CMTM4: variants seen among roughly 807,000 people sequenced by gnomAD.
CMTM4 encodes the protein CKLF like MARVEL transmembrane domain containing 4.
CMTM4 carries 8 observed loss-of-function variants against 19.0 expected under a neutral mutation model. That is an observed-to-expected ratio of 0.42 (90% confidence interval 0.25 to 0.76). The LOEUF (loss-of-function observed/expected upper bound fraction) is 0.76, where lower values mean the gene tolerates loss of function less well. Among genes scored for constraint, CMTM4 ranks in the 30% least tolerant of loss-of-function variants. The probability of loss-of-function intolerance (pLI) is 0.27; values close to 1 mark genes in which losing one functional copy is unlikely to be tolerated. For synonymous variants in CMTM4, 106 were observed against 121.1 expected (o/e 0.88, Z 0.82); for missense variants, 228 against 290.2 (o/e 0.79, Z 1.56).
chr16:66,621,192 AAC>A lies in CMTM4; in HGVS notation c.*864_*865del. On this transcript the variant is annotated 3_prime_UTR_variant, in exon 4 of 4. Coordinates refer to ENST00000394106, the MANE Select transcript of CMTM4 (RefSeq NM_181521.3). ...CGCACGCGTGTGCATGCTGTTTTTT[AAC>A]ACAAACACCTCCCACCTGCGGTTCA... 1 of 984,968 alleles carries A rather than the reference AAC, an allele frequency of 1.0e-6. No individual in the cohort carries two copies. Among genetic ancestry groups the A allele is most frequent in the Non-Finnish European group, 1.2e-6 (1 of 829,904 alleles). The allele number at this position is 984,968 out of a possible 1,614,324, so 61.0% of individuals were successfully genotyped here. A position where few individuals can be genotyped will look rare whatever the true frequency, so the allele number is the denominator to read the frequency against.
intron 1 of CMTM4, among the ~76,000 whole-genome samples, chr16:66,654,382 G>T (rs1043254843): frequency 1.3e-5 from 2 of 152,050 alleles, no homozygotes; most frequent in African/African-American, 4.8e-5. Context: ...CCTGTCACAT[G>T]GCAGGTGCTC....
intron 1 of CMTM4, among the ~76,000 whole-genome samples, chr16:66,692,962 G>A (rs767260032): frequency 1.3e-5 from 2 of 151,744 alleles, no homozygotes; most frequent in African/African-American, 4.8e-5. Flanking sequence ...AGTAGCTCAC[G>A]CCTATAATCC....
At chr16:66,613,965 T>C (rs1340311846), downstream of CMTM4, 2 of 138,496 alleles carry the variant, frequency 1.4e-5, no homozygotes, top group African/African-American at 2.6e-5. Context: ...GGACTGGGGG[T>C]TGGCGGGTGG....
intron 1 of CMTM4, among the ~76,000 whole-genome samples, chr16:66,681,410 G>A (rs1228268925): frequency 2.6e-5 from 4 of 151,596 alleles, no homozygotes; most frequent in Admixed American, 6.6e-5. Flanking sequence ...TCCACCTCCC[G>A]GGTTCATGCC....
rs554435171 is a variant in CMTM4 at position 66,692,709 on chromosome 16, C to G, written c.186+3631G>C. Among the ~76,000 whole-genome samples, 6 of 152,182 alleles carry G rather than the reference C, an allele frequency of 3.9e-5. No homozygotes were observed. In the South Asian group the frequency reaches 1.2e-3, roughly 32 times the overall value. On this transcript the variant is annotated intron_variant, in intron 1 of 3. Coordinates refer to ENST00000394106, the MANE Select transcript of CMTM4 (RefSeq NM_181521.3). Reference sequence around the variant, plus strand: ...TCACTTGAGGTCAGGAGTTCAAGACCAGCCTGGCCAACATGGGGAAACCCC... The same window carrying G: ...TCACTTGAGGTCAGGAGTTCAAGACGAGCCTGGCCAACATGGGGAAACCCC...
intron 1 of CMTM4, among the ~76,000 whole-genome samples, chr16:66,674,176 G>A (rs1352662089): frequency 1.3e-5 from 2 of 152,186 alleles, no homozygotes; most frequent in Admixed American, 6.5e-5. Flanking sequence ...ATAGGCCTTT[G>A]GGACCCAGGG....
Position 66,678,679 on chromosome 16 carries a change from T to C in CMTM4, c.186+17661A>G, listed in dbSNP as rs528125064. 5.9e-5 allele frequency among the ~76,000 whole-genome samples: 9 copies of C among 152,338 alleles called. No homozygotes were observed. In the South Asian group the frequency reaches 1.9e-3, roughly 32 times the overall value. On this transcript the variant is annotated intron_variant, in intron 1 of 3. Transcript: ENST00000394106. Reference sequence around the variant, plus strand: ...AAGCCAGAGTTGCATGTATTTGAAATTGATTTCATGGAACATGTGTGTGCA... The same window carrying C: ...AAGCCAGAGTTGCATGTATTTGAAACTGATTTCATGGAACATGTGTGTGCA...
chr16:66,669,467 TAAA>T (rs35876830), intron 1 of CMTM4, among the ~76,000 whole-genome samples: 12 of 128,808 alleles, frequency 9.3e-5, no homozygotes, highest in Admixed American at 2.4e-4. Context: ...ACATGTTAAT[TAAA>T]AAAAAAAAAA....
intron 1 of CMTM4, among the ~76,000 whole-genome samples, chr16:66,694,134 A>G (rs1191294283): frequency 6.6e-6 from 1 of 152,160 alleles, no homozygotes; most frequent in Non-Finnish European, 1.5e-5. Context: ...CGCTACAACA[A>G]AACAGTACCT....
rs1189101517 is a variant in CMTM4 at position 66,665,260 on chromosome 16, C to CT, written c.187-28680dup. On this transcript the variant is annotated intron_variant, in intron 1 of 3. Coordinates refer to ENST00000394106, the MANE Select transcript of CMTM4 (RefSeq NM_181521.3). ...ACCATGCCTGGCCAAGACCCTGTTT[C>CT]TTAAAAAAAAAAAAAAAAAAAAAAA... Among the ~76,000 whole-genome samples the CT allele has an allele frequency of 1.1e-3, 36 of 31,390 alleles. 1 individual carries two copies. Among genetic ancestry groups the CT allele is most frequent in the African/African-American group, 3.8e-3 (35 of 9,180 alleles). 20.6% of individuals were successfully genotyped at this position (31,390 alleles called of 152,430 possible).
intron 1 of CMTM4, among the ~76,000 whole-genome samples, chr16:66,647,029 C>A (rs1024619467): frequency 3.4e-5 from 5 of 149,052 alleles, no homozygotes; most frequent in Non-Finnish European, 7.4e-5. Flanking sequence ...TTTAAAAGCC[C>A]TTTTGACCAG....
intron 1 of CMTM4, among the ~76,000 whole-genome samples, chr16:66,658,107 G>A (rs1315616681): frequency 1.3e-5 from 2 of 152,088 alleles, no homozygotes; most frequent in East Asian, 3.8e-4. Flanking sequence ...ATACATGCCT[G>A]TAGTCCCAGC....
intron 2 of CMTM4, among the ~76,000 whole-genome samples, chr16:66,632,785 A>G (rs1172638518): frequency 6.6e-6 from 1 of 152,154 alleles, no homozygotes; most frequent in Non-Finnish European, 1.5e-5. Flanking sequence ...CCTAGGACAC[A>G]GAGAAAAACA....
chr16:66,633,965 C>T (rs1248200982), intron 2 of CMTM4, among the ~76,000 whole-genome samples: 2 of 152,170 alleles, frequency 1.3e-5, no homozygotes, highest in Admixed American at 6.5e-5. Flanking sequence ...CAAGTGACCA[C>T]ATCACCAACA....
intron 1 of CMTM4, among the ~76,000 whole-genome samples, chr16:66,683,572 C>T (rs2016981078): frequency 6.6e-6 from 1 of 151,710 alleles, no homozygotes; most frequent in Non-Finnish European, 1.5e-5. Flanking sequence ...AGCTACCACG[C>T]CCGGCCCATT....
intron 1 of CMTM4, among the ~76,000 whole-genome samples, chr16:66,651,460 C>T (rs1046176253): frequency 6.6e-6 from 1 of 152,188 alleles, no homozygotes; most frequent in African/African-American, 2.4e-5. Context: ...CAGGGCTCTG[C>T]ACCAGGCACA....
At chr16:66,611,001 G>A (rs990088046), downstream of CMTM4, 4 of 397,776 alleles carry the variant, frequency 1.0e-5, no homozygotes, top group East Asian at 7.1e-5. Context: ...CCAGTTGCCC[G>A]CAGCAAGTGA....
chr16:66,628,367 T>G (rs2015786209), intron 2 of CMTM4, among the ~76,000 whole-genome samples: 1 of 152,238 alleles, frequency 6.6e-6, no homozygotes, highest in Non-Finnish European at 1.5e-5. Flanking sequence ...TATTTCAGAC[T>G]ATCTCACGGG....
intron 2 of CMTM4, among the ~76,000 whole-genome samples, chr16:66,628,719 CTCTT>C (rs2015793018): frequency 6.6e-6 from 1 of 152,196 alleles, no homozygotes; most frequent in South Asian, 2.1e-4. Flanking sequence ...AGTCTGATCT[CTCTT>C]TTTTTCCCCT....
Sources: allele counts gnomAD v4.1 joint callset (sites outside exome capture counted in the v4.1 genomes callset), GRCh38; gene constraint gnomAD v4.1.1; transcripts MANE v1.5; gene names NCBI Gene and HGNC (gene_info 2026-07-23, HGNC 2026-07-21).